The following CHD5 variants were observed in gnomAD, a reference collection of about 807,000 sequenced individuals.
CHD5 encodes ATP-dependent chromatin remodeler CHD5.
In CHD5, 69 loss-of-function variants were observed where a neutral mutation model predicts 230.3. The observed-to-expected ratio is 0.30, with a 90% CI of 0.25 to 0.37. The LOEUF (loss-of-function observed/expected upper bound fraction) is 0.37, where lower values mean the gene tolerates loss of function less well. Among genes scored for constraint, CHD5 ranks in the 10% least tolerant of loss-of-function variants. The pLI is 1.00. For synonymous variants in CHD5, 1,064 were observed against 1,065.9 expected (o/e 1.00, Z 0.03); for missense variants, 1,827 against 2,622.8 (o/e 0.70, Z 6.63).
In CHD5 at chr1:6,129,159, G is replaced by A; in HGVS notation, c.3388-90C>T. On this transcript the variant is annotated intron_variant, in intron 22 of 41. Coordinates refer to ENST00000262450, the MANE Select transcript of CHD5 (RefSeq NM_015557.3). The surrounding 1 kb of genome is among the most constrained non-coding windows in gnomAD (Gnocchi z 6.8). Reference sequence around the variant, plus strand: ...ACCCATGAGCTCAAGAGCATGGAATGGGCTGCATGACTGTGTAGGGAAAGG... The same window carrying A: ...ACCCATGAGCTCAAGAGCATGGAATAGGCTGCATGACTGTGTAGGGAAAGG... The A allele has an allele frequency of 2.3e-6, 2 of 868,840 alleles. No individual in the cohort carries two copies. The highest frequency in any genetic ancestry group is 3.6e-6 in the Non-Finnish European group (2 of 548,094). 53.8% of individuals were successfully genotyped at this position (868,840 alleles called of 1,614,324 possible).
chr1:6,154,946 GA>G lies in CHD5; in HGVS notation c.507-49del. Reference sequence around the variant, plus strand: ...GTGAGGGCAAGGCCAGGTGAGATGAGAGGCCCACCCGACCCCCGGCAGGGCC... The same window carrying G: ...GTGAGGGCAAGGCCAGGTGAGATGAGGGCCCACCCGACCCCCGGCAGGGCC... On this transcript the variant is annotated intron_variant, in intron 4 of 41. Coordinates refer to ENST00000262450, the MANE Select transcript of CHD5 (RefSeq NM_015557.3). This position sits in a 1 kb window ranked among gnomAD's most constrained non-coding sequence, Gnocchi z 7.0. 1.3e-6 allele frequency: 2 copies of G among 1,547,414 alleles called. No individual in the cohort carries two copies. The highest frequency in any genetic ancestry group is 1.8e-6 in the Non-Finnish European group (2 of 1,130,820).
chr1:6,163,663 C>G (rs1667210897), intron 2 of CHD5, among the ~76,000 whole-genome samples: 1 of 152,216 alleles, frequency 6.6e-6, no homozygotes, highest in African/African-American at 2.4e-5. Context: ...GATCAAGAAC[C>G]AGAGGCAGAT....
Position 6,136,615 on chromosome 1 carries a change from G to A in CHD5, c.2598C>T (p.Tyr866=), listed in dbSNP as rs779680302. ...TCAGCAGCAGCTTGTAATCAATCTT[G>A]TAGCTGTTTAAGACCCTAAAAAACT... The part of the protein sequence containing the change: ...QSKFFRVLNS[Y]KIDYKLLLTG... The change falls in exon 17 of 42, where the codon TAC becomes TAT. Residue 866 remains tyrosine, a synonymous_variant. Coordinates refer to ENST00000262450, the MANE Select transcript of CHD5 (RefSeq NM_015557.3). The A allele has an allele frequency of 6.8e-6, 11 of 1,614,168 alleles. No homozygotes were observed. Among genetic ancestry groups the A allele is most frequent in the East Asian group, 4.5e-5 (2 of 44,870 alleles).
chr1:6,135,148 C>T (rs2100851341), intron 18 of CHD5, 82 bp downstream of exon 18: 4 of 1,521,628 alleles, frequency 2.6e-6, no homozygotes, highest in South Asian at 1.1e-5. Flanking sequence ...AAGAGCCCTC[C>T]GCCCACCTGG....
At chr1:6,106,162 G>T in intron 41 of CHD5, 72 bp downstream of exon 41, 1 of 1,381,118 alleles carries the variant, frequency 7.2e-7, no homozygotes, top group Non-Finnish European at 1.0e-6. Context: ...CAGGGGCAGG[G>T]CTGACTGTGG....
At position 6,149,764 on chromosome 1, in the gene CHD5, T is replaced by C. The variant is rs1045686420; in HGVS notation, c.995-352A>G. Among the ~76,000 whole-genome samples the C allele has an allele frequency of 2.1e-5, 3 of 139,812 alleles. 1 individual carries two copies. The highest frequency in any genetic ancestry group is 7.1e-5 in the Admixed American group (1 of 14,038). 91.7% of individuals were successfully genotyped at this position (139,812 alleles called of 152,430 possible). A position where few individuals can be genotyped will look rare whatever the true frequency, so the allele number is the denominator to read the frequency against. ...AAATGGATGGACAAATGGAAATGGGTGGACTGATGGATGGATGGATGGATG... is the reference window on the plus strand; with the variant it reads ...AAATGGATGGACAAATGGAAATGGGCGGACTGATGGATGGATGGATGGATG... On this transcript the variant is annotated intron_variant, in intron 7 of 41. Coordinates refer to ENST00000262450, the MANE Select transcript of CHD5 (RefSeq NM_015557.3).
At chr1:6,135,122 G>C (rs2100851325) in intron 18 of CHD5, 108 bp downstream of exon 18, 2 of 1,293,866 alleles carry the variant, frequency 1.5e-6, no homozygotes, top group Non-Finnish European at 1.1e-6. Flanking sequence ...CATTAGCCGA[G>C]ACCTCAGTGA....
Position 6,134,912 on chromosome 1 carries a change from GCT to G in CHD5, c.2871-55_2871-54del. 2 of 1,605,474 alleles carry G rather than the reference GCT, an allele frequency of 1.2e-6. No homozygotes were observed. The highest frequency in any genetic ancestry group is 1.7e-6 in the Non-Finnish European group (2 of 1,173,430). ...CTGGGTCAGACCCGCCTCCATGAGG[GCT>G]CTCTCTGCTCTGCAGTGGGGCTGGA... is the stretch of plus-strand genomic sequence containing the variant. On this transcript the variant is annotated intron_variant, in intron 18 of 41. Transcript: ENST00000262450. This position sits in a 1 kb window ranked among gnomAD's most constrained non-coding sequence, Gnocchi z 6.3.
Position 6,155,010 on chromosome 1 carries a change from C to A in CHD5, c.507-112G>T. 1 of 965,598 alleles carries A rather than the reference C, an allele frequency of 1.0e-6. No individual in the cohort carries two copies. The highest frequency in any genetic ancestry group is 2.6e-5 in the East Asian group (1 of 38,694). The allele number at this position is 965,598 out of a possible 1,614,324, so 59.8% of individuals were successfully genotyped here. A position where few individuals can be genotyped will look rare whatever the true frequency, so the allele number is the denominator to read the frequency against. On this transcript the variant is annotated intron_variant, in intron 4 of 41. Transcript: ENST00000262450. This position sits in a 1 kb window ranked among gnomAD's most constrained non-coding sequence, Gnocchi z 4.0. ...ACATGTGCGATCTATGGCAGCAGCCCCAGGTTCCTGATTAGAGAGATTAGG... is the reference window on the plus strand; with the variant it reads ...ACATGTGCGATCTATGGCAGCAGCCACAGGTTCCTGATTAGAGAGATTAGG...
At chr1:6,107,529 A>AT (rs1666204689) in intron 38 of CHD5, among the ~76,000 whole-genome samples, 2 of 38,434 alleles carry the variant, frequency 5.2e-5, no homozygotes, top group African/African-American at 1.1e-4. Context: ...AGCGGTGGAG[A>AT]GATGGAGGGA....
intron 7 of CHD5, among the ~76,000 whole-genome samples, chr1:6,149,792 CAAAT>C (rs1666972286): frequency 7.1e-6 from 1 of 140,158 alleles, no homozygotes; most frequent in Admixed American, 7.1e-5. Flanking sequence ...GATGGATGGA[CAAAT>C]GGATGGATGG....
Position 6,125,014 on chromosome 1 carries a change from G to T in CHD5, c.4394+86C>A, listed in dbSNP as rs995986324. The T allele has an allele frequency of 2.9e-5, 39 of 1,344,108 alleles. No individual in the cohort carries two copies. In the Admixed American group the frequency reaches 9.5e-4, roughly 33 times the overall value. The allele number at this position is 1,344,108 out of a possible 1,614,324, so 83.3% of individuals were successfully genotyped here. Reference sequence around the variant, plus strand: ...CGGCCTCATCCTGGCGGAAGCAAATGCTGCCCTCTGTGGGGCTCACCCGCA... The same window carrying T: ...CGGCCTCATCCTGGCGGAAGCAAATTCTGCCCTCTGTGGGGCTCACCCGCA... On this transcript the variant is annotated intron_variant, in intron 29 of 41. Transcript: ENST00000262450. The surrounding 1 kb of genome is among the most constrained non-coding windows in gnomAD (Gnocchi z 6.7).
At chr1:6,127,965 G>A in intron 25 of CHD5, 81 bp downstream of exon 25, 2 of 1,281,324 alleles carry the variant, frequency 1.6e-6, no homozygotes, top group Non-Finnish European at 2.1e-6. Flanking sequence ...CGGGGTCACA[G>A]TGGAAGGCGT....
At position 6,180,084 on chromosome 1, in the gene CHD5, T is replaced by G; in HGVS notation, c.-61A>C. On this transcript the variant is annotated 5_prime_UTR_variant, in exon 1 of 42. Coordinates refer to ENST00000262450, the MANE Select transcript of CHD5 (RefSeq NM_015557.3). Reference sequence around the variant, plus strand: ...CCTCCCGCCGGGCGCGGTGCCAGCCTTAACCCGTGCGCTGCCGGACCGGCG... The same window carrying G: ...CCTCCCGCCGGGCGCGGTGCCAGCCGTAACCCGTGCGCTGCCGGACCGGCG... 1 of 902,672 alleles carries G rather than the reference T, an allele frequency of 1.1e-6. No individual in the cohort carries two copies. Among genetic ancestry groups the G allele is most frequent in the Non-Finnish European group, 1.4e-6 (1 of 722,906 alleles). The allele number at this position is 902,672 out of a possible 1,614,324, so 55.9% of individuals were successfully genotyped here. A position where few individuals can be genotyped will look rare whatever the true frequency, so the allele number is the denominator to read the frequency against.
intron 33 of CHD5, among the ~76,000 whole-genome samples, chr1:6,116,911 CA>C (rs1327675016): frequency 1.3e-5 from 2 of 152,116 alleles, no homozygotes; most frequent in African/African-American, 4.8e-5. Flanking sequence ...AGCATAACAA[CA>C]AATTTGGGAA....
At chr1:6,179,607 C>G (rs1466374341) in intron 1 of CHD5, among the ~76,000 whole-genome samples, 2 of 150,730 alleles carry the variant, frequency 1.3e-5, no homozygotes, top group Non-Finnish European at 3.0e-5. Flanking sequence ...CGATTCCCGC[C>G]CCCTTCAAGG....
intron 15 of CHD5, among the ~76,000 whole-genome samples, chr1:6,138,700 T>C (rs558352990): frequency 3.9e-5 from 6 of 152,318 alleles, no homozygotes; most frequent in Admixed American, 2.0e-4. Context: ...AAGAGCTAAG[T>C]CTGTTTCTCA....
chr1:6,106,397 G>A lies in CHD5; in HGVS notation c.5855C>T (p.Thr1952Ile). 2 of 1,600,256 alleles carry A rather than the reference G, an allele frequency of 1.2e-6. No homozygotes were observed. Among genetic ancestry groups the A allele is most frequent in the Non-Finnish European group, 1.7e-6 (2 of 1,173,972 alleles). Residue 1952 changes from threonine to isoleucine, a missense_variant and splice_region_variant, in exon 40 of 42, where the codon ACC (threonine) becomes ATC (isoleucine). Transcript: ENST00000262450. ...YNQMPLGPYV[T>I]DI Reference sequence around the variant, plus strand: ...GCCCGGAGCGGACGGGCACCTACCGGTCACATAGGGCCCCAGGGGCATCTG... The same window carrying A: ...GCCCGGAGCGGACGGGCACCTACCGATCACATAGGGCCCCAGGGGCATCTG...
Position 6,106,307 on chromosome 1 carries a change from GC to G in CHD5, c.5858-21del, listed in dbSNP as rs756825482. ...AGATATCTGTCAAAAAAAGAGGAGA[GC>G]CGGGCTTGCCTGACGTTGGCAGCAG... On this transcript the variant is annotated intron_variant, in intron 40 of 41. Transcript: ENST00000262450. 1.9e-6 allele frequency: 3 copies of G among 1,612,656 alleles called. No homozygotes were observed. In the East Asian group the frequency reaches 6.7e-5, roughly 36 times the overall value.
Sources: gnomAD v4.1 joint callset for allele counts (sites outside exome capture counted in the v4.1 genomes callset) on GRCh38, gnomAD v4.1.1 for gene constraint, Gnocchi (gnomAD v3.1) non-coding constraint, MANE v1.5 for transcripts, NCBI Gene and HGNC (gene_info 2026-07-23, HGNC 2026-07-21) for gene names.